ABLIM1: variants seen among roughly 807,000 people sequenced by gnomAD.
ABLIM1 encodes actin binding LIM protein 1.
ABLIM1 carries 40 observed loss-of-function variants against 107.0 expected under a neutral mutation model. The observed-to-expected ratio is 0.37, with a 90% CI of 0.29 to 0.49. The LOEUF is 0.49. ABLIM1 is among the 20% of genes least tolerant of loss of function. The pLI is 0.97. For missense variants in ABLIM1, 857 were observed against 1,008.5 expected (o/e 0.85, Z 2.04); for synonymous variants, 357 against 357.3 (o/e 1.00, Z 0.01).
chr10:114,530,162 C>G (rs1462950200), intron 6 of ABLIM1, among the ~76,000 whole-genome samples: 1 of 152,172 alleles, frequency 6.6e-6, no homozygotes, highest in African/African-American at 2.4e-5. Context: ...GAATCATATA[C>G]TTAACATGGG....
the ABLIM1 span, among the ~76,000 whole-genome samples, chr10:114,791,372 C>T: frequency 6.6e-6 from 1 of 151,582 alleles, no homozygotes; most frequent in East Asian, 1.9e-4. Context: ...GGCGCGGTGG[C>T]TCATGCCTGT....
chr10:114,704,302 C>CTCTCTCTT (rs1380460034), intron 1 of ABLIM1, among the ~76,000 whole-genome samples: 1 of 43,058 alleles, frequency 2.3e-5, no homozygotes, highest in African/African-American at 8.4e-5. Flanking sequence ...CTCTCTCTCT[C>CTCTCTCTT]TATATATATA....
At chr10:114,447,824 C>T in intron 15 of ABLIM1, 56 bp downstream of exon 15, 1 of 1,591,662 alleles carries the variant, frequency 6.3e-7, no homozygotes, top group Non-Finnish European at 8.6e-7. Flanking sequence ...TTAAGCATGT[C>T]ATCTTGAGCT....
the ABLIM1 span, among the ~76,000 whole-genome samples, chr10:114,780,555 T>G: frequency 6.6e-6 from 1 of 152,170 alleles, no homozygotes; most frequent in Non-Finnish European, 1.5e-5. Context: ...GATTTGGCTC[T>G]CTCTCTCTCC....
At chr10:114,666,681 T>C (rs1398321876) in intron 1 of ABLIM1, among the ~76,000 whole-genome samples, 1 of 152,204 alleles carries the variant, frequency 6.6e-6, no homozygotes, top group Non-Finnish European at 1.5e-5. Context: ...ATCTCCCTCA[T>C]GTATATATCA....
chr10:114,516,869 T>C (rs1468573736), intron 6 of ABLIM1, among the ~76,000 whole-genome samples: 1 of 152,194 alleles, frequency 6.6e-6, no homozygotes, highest in Non-Finnish European at 1.5e-5. Context: ...ATGCAAACAC[T>C]CTTCTCATTA....
chr10:114,749,970 T>C (rs1003751383), intron 1 of ABLIM1, among the ~76,000 whole-genome samples: 1 of 152,234 alleles, frequency 6.6e-6, no homozygotes, highest in Non-Finnish European at 1.5e-5. Context: ...CTATCTGATA[T>C]GCTATGTATT....
At position 114,464,155 on chromosome 10, in the gene ABLIM1, T is replaced by C. The variant is rs73352051; in HGVS notation, c.1441+1543A>G. Among the ~76,000 whole-genome samples, 649 of 151,658 alleles carry C rather than the reference T, an allele frequency of 4.3e-3. 3 individuals are homozygous for C. Among genetic ancestry groups the C allele is most frequent in the African/African-American group, 0.015 (630 of 41,320 alleles). ...CTGGGGTCTCAGTGACCTCAGCATA[T>C]GTACATGAGCAGGGTGGCAGCATAA... On this transcript the variant is annotated intron_variant, in intron 12 of 22. Transcript: ENST00000533213.
intron 12 of ABLIM1, among the ~76,000 whole-genome samples, chr10:114,461,940 ATG>A (rs921881806): frequency 1.3e-5 from 2 of 152,350 alleles, no homozygotes; most frequent in African/African-American, 4.8e-5. Context: ...AACTCCAGGT[ATG>A]TGTGTCTTTG....
chr10:114,587,977 C>T (rs2074379039), intron 2 of ABLIM1, among the ~76,000 whole-genome samples: 1 of 152,096 alleles, frequency 6.6e-6, no homozygotes, highest in Non-Finnish European at 1.5e-5. Flanking sequence ...CCTTTCAACC[C>T]ATCATATTTA....
intron 1 of ABLIM1, among the ~76,000 whole-genome samples, chr10:114,737,795 G>A (rs528457098): frequency 2.6e-5 from 4 of 152,182 alleles, no homozygotes; most frequent in African/African-American, 9.6e-5. Flanking sequence ...GCCAAAATAG[G>A]AATGATTTCT....
At chr10:114,732,180 C>CTTTT (rs113276247) in intron 1 of ABLIM1, among the ~76,000 whole-genome samples, 175 of 109,866 alleles carry the variant, frequency 1.6e-3, no homozygotes, top group Non-Finnish European at 2.0e-3. Flanking sequence ...CTTTTCTTTT[C>CTTTT]TTTTTTTTTT....
intron 12 of ABLIM1, among the ~76,000 whole-genome samples, chr10:114,458,380 G>A (rs1038184495): frequency 1.3e-5 from 2 of 152,068 alleles, no homozygotes; most frequent in African/African-American, 4.8e-5. Context: ...ACATTTAAAT[G>A]CCCATCTCCA....
intron 1 of ABLIM1, among the ~76,000 whole-genome samples, chr10:114,679,319 A>C (rs561302180): frequency 6.5e-4 from 92 of 142,584 alleles, no homozygotes; most frequent in African/African-American, 2.2e-3. Flanking sequence ...TTTTCTCCCC[A>C]CCAAACAGGC....
chr10:114,435,307 G>C lies in ABLIM1; in HGVS notation c.*953C>G, dbSNP rs552000699. ...TGCCAGAGAGACAGCAGAGGATAACGACTGGAAGAACTAGAGTCAGTAGGA... is the reference window on the plus strand; with the variant it reads ...TGCCAGAGAGACAGCAGAGGATAACCACTGGAAGAACTAGAGTCAGTAGGA... On this transcript the variant is annotated 3_prime_UTR_variant, in exon 23 of 23. Transcript: ENST00000533213. 6.6e-6 allele frequency: 1 copy of C among 152,238 alleles called. No individual in the cohort carries two copies. 9.4% of individuals were successfully genotyped at this position (152,238 alleles called of 1,614,324 possible).
intron 1 of ABLIM1, among the ~76,000 whole-genome samples, chr10:114,761,007 T>C (rs1420052642): frequency 6.6e-6 from 1 of 152,108 alleles, no homozygotes; most frequent in Non-Finnish European, 1.5e-5. Flanking sequence ...GCCCTGTAAC[T>C]CAAAGAGAGG....
chr10:114,449,068 C>T (rs551411340), intron 14 of ABLIM1, among the ~76,000 whole-genome samples: 3 of 152,220 alleles, frequency 2.0e-5, no homozygotes, highest in African/African-American at 4.8e-5. Context: ...TCTGTGCACA[C>T]AAGTGAGTTA....
intron 8 of ABLIM1, 53 bp downstream of exon 8, chr10:114,487,905 C>T (rs187959550): frequency 1.8e-5 from 29 of 1,596,382 alleles, no homozygotes; most frequent in African/African-American, 2.7e-5. Flanking sequence ...TTAGTGACCA[C>T]GAGCGTATGG....
Position 114,642,936 on chromosome 10 carries a change from G to A in ABLIM1, c.244+15021C>T, listed in dbSNP as rs192754230. The stretch of plus-strand genomic sequence containing the variant: ...GAAACTTACACCTGCCAAAATGTCC[G>A]AGAACCTGCCAAAAGAACCAAGAAA... On this transcript the variant is annotated intron_variant, in intron 1 of 22. Coordinates refer to ENST00000533213, the MANE Select transcript of ABLIM1 (RefSeq NM_002313.7). Among the ~76,000 whole-genome samples, 32 of 152,220 alleles carry A rather than the reference G, an allele frequency of 2.1e-4. No homozygotes were observed. The East Asian group carries it at 4.6e-3, about 22-fold the overall frequency.
Sources: gnomAD v4.1 joint callset for allele counts (sites outside exome capture counted in the v4.1 genomes callset) on GRCh38, gnomAD v4.1.1 for gene constraint, MANE v1.5 for transcripts, NCBI Gene and HGNC (gene_info 2026-07-23, HGNC 2026-07-21) for gene names.